KLF13: variants seen among roughly 807,000 people sequenced by gnomAD.
KLF13 encodes Krueppel-like factor 13.
In KLF13, 8 loss-of-function variants were observed where a neutral mutation model predicts 16.7. The observed-to-expected ratio is 0.48, with a 90% CI of 0.28 to 0.87. KLF13 has a LOEUF of 0.87. Among genes scored for constraint, KLF13 ranks in the 40% least tolerant of loss-of-function variants. KLF13 has a pLI of 0.10. For synonymous variants in KLF13, 245 were observed against 208.4 expected (o/e 1.18, Z -1.51); for missense variants, 447 against 452.2 (o/e 0.99, Z 0.10).
At chr15:31,412,402 G>A (rs1300657893) in intron 1 of KLF13, among the ~76,000 whole-genome samples, 2 of 151,444 alleles carry the variant, frequency 1.3e-5, no homozygotes, top group African/African-American at 4.8e-5. Context: ...ATCGTAGTTT[G>A]TAAAGGAATA....
chr15:31,385,697 A>G (rs1193516268), intron 1 of KLF13, among the ~76,000 whole-genome samples: 4 of 152,154 alleles, frequency 2.6e-5, no homozygotes, highest in Non-Finnish European at 5.9e-5. Context: ...TGCTCCACCA[A>G]CCTGCCTTTC....
At chr15:31,407,349 C>G (rs1318096903), downstream of KLF13, among the ~76,000 whole-genome samples, 2 of 152,076 alleles carry the variant, frequency 1.3e-5, no homozygotes. Flanking sequence ...AGGATCAATA[C>G]CTGGGCATTT....
At chr15:31,434,599 G>A (rs7496643) in intron 1 of KLF13, among the ~76,000 whole-genome samples, 10,790 of 152,294 alleles carry the variant, frequency 0.071, 489 homozygotes, top group South Asian at 0.13. Flanking sequence ...AGAATGACGT[G>A]TCTGGAGCTC....
intron 1 of KLF13, chr15:31,339,799 C>A: frequency 1.6e-6 from 1 of 614,764 alleles, no homozygotes; most frequent in Non-Finnish European, 2.9e-6. Context: ...CTGGCTGCGC[C>A]CAGTGGATGT....
rs2039584465 is a variant in KLF13 at position 31,373,142 on chromosome 15, C to G, written c.*843C>G. ...GTCCCAGCAGAAGGCATGCAGGACC[C>G]TGTCACTACTATACCTGGGCCTCTG... On this transcript the variant is annotated 3_prime_UTR_variant, in exon 2 of 2. Transcript: ENST00000307145. 1 of 152,300 alleles carries G rather than the reference C, an allele frequency of 6.6e-6. No homozygotes were observed. The highest frequency in any genetic ancestry group is 2.4e-5 in the African/African-American group (1 of 41,476). 9.4% of individuals were successfully genotyped at this position (152,300 alleles called of 1,614,324 possible). A position where few individuals can be genotyped will look rare whatever the true frequency, so the allele number is the denominator to read the frequency against.
At chr15:31,425,115 C>T (rs998735537) in intron 1 of KLF13, among the ~76,000 whole-genome samples, 2 of 151,962 alleles carry the variant, frequency 1.3e-5, no homozygotes, top group African/African-American at 4.8e-5. Flanking sequence ...AACTACAAAA[C>T]ATTGCTGAAA....
chr15:31,402,099 G>T (rs1338935322), intron 2 of KLF13, among the ~76,000 whole-genome samples: 1 of 152,228 alleles, frequency 6.6e-6, no homozygotes, highest in East Asian at 1.9e-4. Context: ...TCCAGTAGGG[G>T]AGACACTGCA....
At chr15:31,394,931 T>G (rs2039934748) in intron 2 of KLF13, among the ~76,000 whole-genome samples, 1 of 152,212 alleles carries the variant, frequency 6.6e-6, no homozygotes, top group Admixed American at 6.5e-5. Flanking sequence ...AGCATAAATT[T>G]TTAAGTTTCA....
chr15:31,393,424 C>CCCCCCCCGTCCCCCTCGGCCCGT, intron 1 of KLF13, among the ~76,000 whole-genome samples: 1 of 27,612 alleles, frequency 3.6e-5, no homozygotes, highest in South Asian at 2.3e-3. Flanking sequence ...CCCGGCCCGT[C>CCCCCCCCGTCCCCCTCGGCCCGT]CCCCCCCCGT....
chr15:31,335,337 G>T (rs2038909540), intron 1 of KLF13, among the ~76,000 whole-genome samples: 2 of 152,084 alleles, frequency 1.3e-5, no homozygotes, highest in Admixed American at 6.6e-5. Flanking sequence ...GCCCAGCAGA[G>T]TGACCGGCTC....
intron 1 of KLF13, among the ~76,000 whole-genome samples, chr15:31,333,410 T>C (rs1326886867): frequency 1.3e-5 from 2 of 152,144 alleles, no homozygotes; most frequent in African/African-American, 2.4e-5. Context: ...CCTGTGGTAG[T>C]AGAAATCTGG....
At chr15:31,352,795 C>T (rs2039237316) in intron 1 of KLF13, among the ~76,000 whole-genome samples, 1 of 152,228 alleles carries the variant, frequency 6.6e-6, no homozygotes, top group African/African-American at 2.4e-5. Flanking sequence ...TGTATTTAAT[C>T]CCATGCATCC....
chr15:31,414,945 T>A (rs549767996), intron 1 of KLF13, among the ~76,000 whole-genome samples: 57 of 152,308 alleles, frequency 3.7e-4, no homozygotes, highest in African/African-American at 9.9e-4. Context: ...GGGACTAAAT[T>A]GGAGGCATTT....
chr15:31,334,923 ACTCTT>A (rs139918364), intron 1 of KLF13, among the ~76,000 whole-genome samples: 6,695 of 151,968 alleles, frequency 0.044, 487 homozygotes, highest in African/African-American at 0.15. Context: ...GGCTTTGGAC[ACTCTT>A]CTGGGCCAAA....
chr15:31,427,967 G>A (rs1290928310), intron 1 of KLF13, among the ~76,000 whole-genome samples: 1 of 152,108 alleles, frequency 6.6e-6, no homozygotes, highest in East Asian at 1.9e-4. Flanking sequence ...CTGGGAATTA[G>A]AATTCAACGT....
intron 1 of KLF13, among the ~76,000 whole-genome samples, chr15:31,353,608 A>G (rs776355397): frequency 6.6e-6 from 1 of 152,210 alleles, no homozygotes; most frequent in Non-Finnish European, 1.5e-5. Context: ...CCTGGCCTCA[A>G]TTGTTTGCCT....
chr15:31,370,123 T>C (rs1417732721), intron 1 of KLF13, among the ~76,000 whole-genome samples: 1 of 151,556 alleles, frequency 6.6e-6, no homozygotes, highest in Non-Finnish European at 1.5e-5. Flanking sequence ...CCATGTTTTC[T>C]GTTTTCTCAC....
intron 1 of KLF13, among the ~76,000 whole-genome samples, chr15:31,413,206 A>AAAAAAAAAC (rs1566843740): frequency 6.9e-6 from 1 of 145,450 alleles, no homozygotes; most frequent in Non-Finnish European, 1.5e-5. Context: ...AAAAAAACAA[A>AAAAAAAAAC]AAACAAAAAA....
At chr15:31,406,448 G>A (rs2040130621), downstream of KLF13, among the ~76,000 whole-genome samples, 1 of 152,202 alleles carries the variant, frequency 6.6e-6, no homozygotes, top group Non-Finnish European at 1.5e-5. Flanking sequence ...ACCCTGGCAA[G>A]ATTACACCAC....
Sources: gnomAD v4.1 joint callset for allele counts (sites outside exome capture counted in the v4.1 genomes callset) on GRCh38, gnomAD v4.1.1 for gene constraint, MANE v1.5 for transcripts, NCBI Gene and HGNC (gene_info 2026-07-23, HGNC 2026-07-21) for gene names.